CSMD1: variants seen among roughly 807,000 people sequenced by gnomAD.
The protein encoded by CSMD1 is CUB and Sushi multiple domains 1, also known as CUB and sushi domain-containing protein 1.
Under a neutral mutation model 417.5 loss-of-function variants are expected in CSMD1, and 213 were observed. That is an observed-to-expected ratio of 0.51 (90% CI 0.46 to 0.57). The LOEUF (loss-of-function observed/expected upper bound fraction) is 0.57. CSMD1 is among the 20% of genes least tolerant of loss of function. The pLI, the probability that CSMD1 is intolerant of heterozygous loss-of-function variation, is 0.00. For synonymous variants in CSMD1, 2,862 were observed against 1,736.8 expected, an observed-to-expected ratio of 1.65 and a Z score of -16.11; for missense variants, 6,923 against 4,529.7, an observed-to-expected ratio of 1.53 and a Z score of -15.17.
intron 7 of CSMD1, among the ~76,000 whole-genome samples, chr8:3,690,942 G>C (rs1354331548): frequency 6.6e-6 from 1 of 152,036 alleles, no homozygotes; most frequent in African/African-American, 2.4e-5. Context: ...TAAAGTAAAA[G>C]TCGGCCCCAT....
intron 10 of CSMD1, among the ~76,000 whole-genome samples, chr8:3,550,262 C>T (rs1336902554): frequency 1.3e-5 from 2 of 152,046 alleles, no homozygotes; most frequent in African/African-American, 4.8e-5. Flanking sequence ...CACCTGTCAC[C>T]AGGCCACTAT....
chr8:4,845,165 A>G (rs1364820418), intron 1 of CSMD1, among the ~76,000 whole-genome samples: 1 of 152,212 alleles, frequency 6.6e-6, no homozygotes, highest in East Asian at 1.9e-4. Context: ...ATCACCTCTT[A>G]TGAGAAGTAG....
At chr8:4,070,267 C>G (rs1563082879) in intron 3 of CSMD1, among the ~76,000 whole-genome samples, 1 of 152,030 alleles carries the variant, frequency 6.6e-6, no homozygotes, top group Non-Finnish European at 1.5e-5. Context: ...AATTCAAACT[C>G]TAAAACATAA....
intron 3 of CSMD1, among the ~76,000 whole-genome samples, chr8:4,393,176 A>T (rs1253118273): frequency 6.6e-6 from 1 of 151,992 alleles, no homozygotes; most frequent in Non-Finnish European, 1.5e-5. Context: ...AAGTTTCACC[A>T]TGTTGCCCAG....
At chr8:4,151,609 G>C (rs893545432) in intron 3 of CSMD1, among the ~76,000 whole-genome samples, 1 of 152,098 alleles carries the variant, frequency 6.6e-6, no homozygotes, top group Non-Finnish European at 1.5e-5. Flanking sequence ...CTCATGGATT[G>C]TGACATGTAG....
intron 5 of CSMD1, among the ~76,000 whole-genome samples, chr8:3,792,354 T>C (rs1415560272): frequency 1.3e-5 from 2 of 152,164 alleles, no homozygotes; most frequent in East Asian, 1.9e-4. Context: ...AACACCCACA[T>C]GTACATTATG....
chr8:3,314,187 G>A (rs1057155719), intron 23 of CSMD1, among the ~76,000 whole-genome samples: 1 of 152,052 alleles, frequency 6.6e-6, no homozygotes, highest in Non-Finnish European at 1.5e-5. Context: ...TAGTTAATGG[G>A]TGCAGCACAC....
chr8:4,744,423 G>C (rs946161705), intron 1 of CSMD1, among the ~76,000 whole-genome samples: 2 of 152,158 alleles, frequency 1.3e-5, no homozygotes, highest in Non-Finnish European at 2.9e-5. Context: ...GCAGGACACA[G>C]CTTCCCAATC....
At chr8:4,112,761 C>T (rs890502352) in intron 3 of CSMD1, among the ~76,000 whole-genome samples, 5 of 152,170 alleles carry the variant, frequency 3.3e-5, no homozygotes, top group African/African-American at 1.2e-4. Context: ...TCCTTAAATG[C>T]TCCAGCTTAT....
chr8:3,397,363 C>A (rs1292454451), intron 16 of CSMD1, among the ~76,000 whole-genome samples: 3 of 152,150 alleles, frequency 2.0e-5, no homozygotes, highest in Non-Finnish European at 4.4e-5. Flanking sequence ...CGTGTAGCAA[C>A]AGAAAACGAT....
intron 6 of CSMD1, among the ~76,000 whole-genome samples, chr8:3,710,938 G>A (rs1366778091): frequency 2.6e-5 from 4 of 152,154 alleles, no homozygotes; most frequent in East Asian, 1.9e-4. Flanking sequence ...CACCTGGAAG[G>A]AGGAGGGTGA....
At chr8:4,527,582 T>A (rs7836618) in intron 2 of CSMD1, among the ~76,000 whole-genome samples, 31,687 of 152,048 alleles carry the variant, frequency 0.21, 4,043 homozygotes, top group Admixed American at 0.33. Context: ...CAAAGATGCA[T>A]CTTGTGCTTA....
chr8:3,777,327 A>C (rs1022849909), intron 5 of CSMD1, among the ~76,000 whole-genome samples: 6 of 151,964 alleles, frequency 3.9e-5, no homozygotes, highest in Admixed American at 6.6e-5. Context: ...TGATAATCCT[A>C]CTCACACAGT....
intron 64 of CSMD1, among the ~76,000 whole-genome samples, 193 bp from the exon 65 acceptor site, chr8:2,954,461 G>A (rs1220518304): frequency 6.6e-6 from 1 of 152,070 alleles, no homozygotes; most frequent in Non-Finnish European, 1.5e-5. Flanking sequence ...GGAAAGCGGA[G>A]TTTAAGGATG....
chr8:3,851,853 C>T (rs1803931437), intron 5 of CSMD1, among the ~76,000 whole-genome samples: 1 of 152,074 alleles, frequency 6.6e-6, no homozygotes, highest in South Asian at 2.1e-4. Context: ...CGGGTGGGAG[C>T]AGACATGGCC....
intron 1 of CSMD1, among the ~76,000 whole-genome samples, chr8:4,743,377 G>C (rs867971052): frequency 1.3e-5 from 2 of 152,094 alleles, no homozygotes; most frequent in African/African-American, 4.8e-5. Flanking sequence ...TCACAGGATG[G>C]AAATTATCAT....
intron 5 of CSMD1, among the ~76,000 whole-genome samples, chr8:3,932,834 A>G (rs1008687977): frequency 2.7e-5 from 4 of 150,460 alleles, no homozygotes; most frequent in African/African-American, 9.8e-5. Context: ...TCTCTTTTTT[A>G]TGCTATTGTT....
intron 1 of CSMD1, among the ~76,000 whole-genome samples, chr8:4,803,482 C>G (rs933591717): frequency 6.6e-6 from 1 of 152,148 alleles, no homozygotes. Context: ...GGTCAGAAAG[C>G]CCTAGGTTGG....
At chr8:4,201,772 G>A (rs113456812) in intron 3 of CSMD1, among the ~76,000 whole-genome samples, 1 of 151,644 alleles carries the variant, frequency 6.6e-6, no homozygotes, top group Admixed American at 6.6e-5. Flanking sequence ...GTCTATGAAG[G>A]GAGGTTTATG....
Sources: allele counts gnomAD v4.1 joint callset (sites outside exome capture counted in the v4.1 genomes callset), GRCh38; gene constraint gnomAD v4.1.1; transcripts MANE v1.5; gene names NCBI Gene and HGNC (gene_info 2026-07-23, HGNC 2026-07-21).